The following TMPRSS4 variants were observed in gnomAD, a reference collection of about 807,000 sequenced individuals.
The protein encoded by TMPRSS4 is transmembrane serine protease 4.
TMPRSS4 carries 45 observed loss-of-function variants against 56.4 expected under a neutral mutation model. The observed-to-expected ratio is 0.80, with a 90% CI of 0.63 to 1.02. The LOEUF is 1.02. Among genes scored for constraint, TMPRSS4 ranks in the 50% least tolerant of loss-of-function variants. The pLI, the probability that TMPRSS4 is intolerant of heterozygous loss-of-function variation, is 0.00. For missense variants in TMPRSS4, 546 were observed against 556.7 expected, an observed-to-expected ratio of 0.98 and a Z score of 0.19; for synonymous variants, 205 against 211.0, an observed-to-expected ratio of 0.97 and a Z score of 0.25.
intron 5 of TMPRSS4, 58 bp downstream of exon 5, chr11:118,104,878 T>A: frequency 6.7e-7 from 1 of 1,482,484 alleles, no homozygotes; most frequent in Non-Finnish European, 9.0e-7. Flanking sequence ...CTCTTCCTCC[T>A]TTCCTTCCTC....
chr11:118,100,285 C>A (rs1946669401), intron 3 of TMPRSS4, among the ~76,000 whole-genome samples: 1 of 152,148 alleles, frequency 6.6e-6, no homozygotes. Context: ...AAAATGTGAC[C>A]CAGGACATGC....
intron 1 of TMPRSS4, among the ~76,000 whole-genome samples, chr11:118,093,898 C>T (rs77718036): frequency 0.018 from 2,730 of 151,596 alleles, 54 homozygotes; most frequent in South Asian, 0.072. Flanking sequence ...TAAGTGAAAT[C>T]GTACTTTTTG....
At chr11:118,093,940 A>G (rs923210602) in intron 1 of TMPRSS4, among the ~76,000 whole-genome samples, 1 of 152,052 alleles carries the variant, frequency 6.6e-6, no homozygotes. Context: ...CATTATGTCC[A>G]TGGAATTCAT....
At chr11:118,110,402 T>C (rs1224296653) in intron 7 of TMPRSS4, among the ~76,000 whole-genome samples, 2 of 151,584 alleles carry the variant, frequency 1.3e-5, no homozygotes, top group East Asian at 3.9e-4. Context: ...AGTAAAGTGT[T>C]GCGATCTCGG....
At chr11:118,088,960 T>C (rs1945774926) in intron 1 of TMPRSS4, among the ~76,000 whole-genome samples, 1 of 152,276 alleles carries the variant, frequency 6.6e-6, no homozygotes, top group Admixed American at 6.5e-5. Context: ...GGACCCACCA[T>C]GGTGATGGGG....
chr11:118,112,045 T>G, intron 8 of TMPRSS4, 145 bp downstream of exon 8: 3 of 1,150,056 alleles, frequency 2.6e-6, no homozygotes, highest in Non-Finnish European at 3.6e-6. Context: ...AATGAGACAA[T>G]GGCCATGATG....
At chr11:118,106,469 G>A (rs1332946501) in intron 5 of TMPRSS4, 1 of 151,160 alleles carries the variant, frequency 6.6e-6, no homozygotes, top group Non-Finnish European at 1.5e-5. Context: ...AGACCCTAGG[G>A]ATCATCTAGT....
At chr11:118,086,522 C>T (rs547547144) in intron 1 of TMPRSS4, among the ~76,000 whole-genome samples, 20 of 152,358 alleles carry the variant, frequency 1.3e-4, no homozygotes, top group African/African-American at 3.8e-4. Flanking sequence ...TGAATTTCTG[C>T]GTGAGAGCTT....
chr11:118,099,683 C>G (rs1236737275), intron 3 of TMPRSS4, among the ~76,000 whole-genome samples: 1 of 152,152 alleles, frequency 6.6e-6, no homozygotes, highest in East Asian at 1.9e-4. Flanking sequence ...CCCCTGCCCC[C>G]TCCTTCCCAT....
At chr11:118,100,953 G>C (rs955160309) in intron 3 of TMPRSS4, among the ~76,000 whole-genome samples, 17 of 152,096 alleles carry the variant, frequency 1.1e-4, no homozygotes, top group African/African-American at 3.6e-4. Flanking sequence ...AGTCTCAACT[G>C]GCAATGCTGT....
In TMPRSS4 at chr11:118,118,385, C is replaced by G. The variant is rs1443825371; in HGVS notation, c.*472C>G. The G allele has an allele frequency of 1.0e-6, 1 of 1,001,964 alleles. No homozygotes were observed. Among genetic ancestry groups the G allele is most frequent in the East Asian group, 1.1e-4 (1 of 9,432 alleles). The allele number at this position is 1,001,964 out of a possible 1,614,324, so 62.1% of individuals were successfully genotyped here. ...CACTGCCCTACTGTTGGTATGACTA[C>G]CGTTACCTACTGTTGTCATTGTTAT... On this transcript the variant is annotated 3_prime_UTR_variant, in exon 13 of 13. Transcript: ENST00000437212.
rs1368591543 is a variant in TMPRSS4 at position 118,096,955 on chromosome 11, GAAAGAAAGA to G, written c.44-2027_44-2019del. ...AAGAAAGAGAAAGAAAGAAAGGAAGGAAAGAAAGAAAGGAAAGAAAGAAAGAAAGAAAGA... is the reference window on the plus strand; with the variant it reads ...AAGAAAGAGAAAGAAAGAAAGGAAGGAAGGAAAGAAAGAAAGAAAGAAAGA... On this transcript the variant is annotated intron_variant, in intron 2 of 12. Coordinates refer to ENST00000437212, the MANE Select transcript of TMPRSS4 (RefSeq NM_019894.4). 5.8e-3 allele frequency among the ~76,000 whole-genome samples: 381 copies of G among 65,856 alleles called. 84 individuals carry two copies. Among genetic ancestry groups the G allele is most frequent in the African/African-American group, 9.5e-3 (196 of 20,690 alleles). 43.2% of individuals were successfully genotyped at this position (65,856 alleles called of 152,430 possible).
Position 118,118,962 on chromosome 11 carries a change from A to G in TMPRSS4, c.*1049A>G, listed in dbSNP as rs1947697086. 1.0e-6 allele frequency: 1 copy of G among 985,308 alleles called. No homozygotes were observed. Among genetic ancestry groups the G allele is most frequent in the African/African-American group, 1.7e-5 (1 of 57,232 alleles). 61.0% of individuals were successfully genotyped at this position (985,308 alleles called of 1,614,324 possible). A position where few individuals can be genotyped will look rare whatever the true frequency, so the allele number is the denominator to read the frequency against. On this transcript the variant is annotated 3_prime_UTR_variant, in exon 13 of 13. Coordinates refer to ENST00000437212, the MANE Select transcript of TMPRSS4 (RefSeq NM_019894.4). ...GCATGAATAAGTCCCTGCACTCAAAATGGTCAAAGAATTAAACCCCATGGA... is the reference window on the plus strand; with the variant it reads ...GCATGAATAAGTCCCTGCACTCAAAGTGGTCAAAGAATTAAACCCCATGGA...
chr11:118,093,826 C>CCT (rs1555083611), intron 1 of TMPRSS4, among the ~76,000 whole-genome samples: 1 of 150,994 alleles, frequency 6.6e-6, no homozygotes. Context: ...CTGCCCCCCC[C>CCT]AATGGTAACC....
At chr11:118,109,019 T>C in intron 7 of TMPRSS4, 123 bp downstream of exon 7, 2 of 1,095,354 alleles carry the variant, frequency 1.8e-6, no homozygotes, top group South Asian at 1.5e-5. Flanking sequence ...TCTACAGCCC[T>C]TGGGCTTGTC....
Position 118,096,911 on chromosome 11 carries a change from G to GA in TMPRSS4, c.43+2056_43+2057insA, listed in dbSNP as rs1565422652. On this transcript the variant is annotated intron_variant, in intron 2 of 12. Transcript: ENST00000437212. ...AGAAAGAAAGAAAGAAAGAAAGAAA[G>GA]GGAGAGAGAAAGGAAAGAAAGAAAG... Among the ~76,000 whole-genome samples, 51 of 29,398 alleles carry GA rather than the reference G, an allele frequency of 1.7e-3. 4 individuals are homozygous for GA. Among genetic ancestry groups the GA allele is most frequent in the African/African-American group, 7.4e-3 (49 of 6,644 alleles). 19.3% of individuals were successfully genotyped at this position (29,398 alleles called of 152,430 possible).
rs1947664139 is a variant in TMPRSS4, at chr11:118,118,177, G to A, written c.*264G>A. The A allele has an allele frequency of 2.9e-6, 4 of 1,389,680 alleles. No homozygotes were observed. Among genetic ancestry groups the A allele is most frequent in the Non-Finnish European group, 3.7e-6 (4 of 1,074,740 alleles). The allele number at this position is 1,389,680 out of a possible 1,614,324, so 86.1% of individuals were successfully genotyped here. On this transcript the variant is annotated 3_prime_UTR_variant, in exon 13 of 13. Transcript: ENST00000437212. The stretch of plus-strand genomic sequence containing the variant: ...GGAGAGACACAGCCCACTGAACAAG[G>A]TCTCAGGGGTATTGCTAAGCCAAGA...
intron 1 of TMPRSS4, among the ~76,000 whole-genome samples, chr11:118,093,871 G>A (rs141738346): frequency 1.5e-3 from 225 of 150,038 alleles, no homozygotes; most frequent in Middle Eastern, 0.014. Flanking sequence ...GATTAACCTT[G>A]CCTTTTAAAC....
At chr11:118,115,327 T>A in intron 11 of TMPRSS4, 47 bp downstream of exon 11, 1 of 1,591,232 alleles carries the variant, frequency 6.3e-7, no homozygotes. Flanking sequence ...AGGGTTTAGG[T>A]CCTAGAGAGA....
Sources: gnomAD v4.1 joint callset for allele counts (sites outside exome capture counted in the v4.1 genomes callset) on GRCh38, gnomAD v4.1.1 for gene constraint, MANE v1.5 for transcripts, NCBI Gene and HGNC (gene_info 2026-07-23, HGNC 2026-07-21) for gene names.